The following MARCHF1 variants were observed in gnomAD, a reference collection of about 807,000 sequenced individuals.
MARCHF1 encodes E3 ubiquitin-protein ligase MARCHF1.
In MARCHF1, 40 loss-of-function variants were observed where a neutral mutation model predicts 54.2. The observed-to-expected ratio is 0.74, with a 90% confidence interval of 0.57 to 0.96. The LOEUF (loss-of-function observed/expected upper bound fraction) is 0.96, where lower values mean the gene tolerates loss of function less well. Ranked by LOEUF, MARCHF1 falls within the 40% of genes least tolerant of loss-of-function variation. The pLI is 0.00. For synonymous variants in MARCHF1, 236 were observed against 236.3 expected (o/e 1.00, Z 0.01); for missense variants, 586 against 656.5 (o/e 0.89, Z 1.17).
chr4:163,939,117 C>A (rs1751858539), intron 3 of MARCHF1, among the ~76,000 whole-genome samples: 1 of 152,136 alleles, frequency 6.6e-6, no homozygotes, highest in Admixed American at 6.6e-5. Flanking sequence ...ATTTGAAATG[C>A]CCTGAGCAGT....
intron 2 of MARCHF1, among the ~76,000 whole-genome samples, chr4:164,090,666 T>C (rs1221254786): frequency 2.0e-5 from 3 of 152,240 alleles, no homozygotes; most frequent in African/African-American, 7.2e-5. Flanking sequence ...AAAATTTAAG[T>C]AATCTCAAGA....
chr4:164,023,635 A>T (rs993560019), intron 2 of MARCHF1, among the ~76,000 whole-genome samples: 3 of 152,180 alleles, frequency 2.0e-5, no homozygotes, highest in Non-Finnish European at 4.4e-5. Context: ...GCCCTCTCAA[A>T]TGAGAAAGAA....
chr4:164,341,012 A>C (rs957841819), intron 1 of MARCHF1, among the ~76,000 whole-genome samples: 13 of 152,146 alleles, frequency 8.5e-5, no homozygotes, highest in African/African-American at 2.9e-4. Context: ...GCAACAGCAC[A>C]ATGTAAGCAT....
intron 8 of MARCHF1, among the ~76,000 whole-genome samples, chr4:163,567,494 T>C (rs1202149302): frequency 1.3e-5 from 2 of 152,188 alleles, no homozygotes; most frequent in African/African-American, 4.8e-5. Flanking sequence ...CATCTTGAAT[T>C]GTAGCTCCCA....
chr4:163,920,326 T>TTCTG, intron 3 of MARCHF1, among the ~76,000 whole-genome samples: 1 of 152,330 alleles, frequency 6.6e-6, no homozygotes, highest in South Asian at 2.1e-4. Flanking sequence ...TTCACCTTCT[T>TTCTG]GCAAGAATTA....
At chr4:164,316,080 A>G (rs1239979175) in intron 1 of MARCHF1, among the ~76,000 whole-genome samples, 4 of 152,152 alleles carry the variant, frequency 2.6e-5, no homozygotes, top group African/African-American at 7.2e-5. Context: ...TGACAAAATG[A>G]GCTAATATAT....
chr4:163,629,655 T>C (rs1290352294), intron 5 of MARCHF1, among the ~76,000 whole-genome samples: 1 of 151,898 alleles, frequency 6.6e-6, no homozygotes, highest in East Asian at 1.9e-4. Context: ...TTGCAATCTA[T>C]CCATCTGACA....
At chr4:163,617,853 A>G (rs1741564635) in intron 5 of MARCHF1, among the ~76,000 whole-genome samples, 1 of 152,180 alleles carries the variant, frequency 6.6e-6, no homozygotes, top group African/African-American at 2.4e-5. Context: ...ATCATAATGG[A>G]TACCTATGGC....
At chr4:164,268,359 T>C (rs1733662438) in intron 1 of MARCHF1, among the ~76,000 whole-genome samples, 1 of 152,064 alleles carries the variant, frequency 6.6e-6, no homozygotes, top group Non-Finnish European at 1.5e-5. Context: ...AAGAAACTCA[T>C]GAGAGCTGGA....
chr4:164,098,957 C>G (rs140972650), intron 2 of MARCHF1, among the ~76,000 whole-genome samples: 3 of 152,244 alleles, frequency 2.0e-5, no homozygotes, highest in African/African-American at 7.2e-5. Context: ...ATTTTTGTTA[C>G]CATTGCAAAG....
At chr4:163,904,211 T>G (rs1488990121) in intron 3 of MARCHF1, among the ~76,000 whole-genome samples, 1 of 152,170 alleles carries the variant, frequency 6.6e-6, no homozygotes. Flanking sequence ...AAATTAAGCC[T>G]TGAAGTCTCA....
chr4:164,188,568 C>G, intron 1 of MARCHF1: 1 of 781,204 alleles, frequency 1.3e-6, no homozygotes, highest in East Asian at 2.4e-5. Flanking sequence ...ATCACGCGGT[C>G]CTATGTGCCC....
chr4:164,054,009 T>C (rs1397614868), intron 2 of MARCHF1, among the ~76,000 whole-genome samples: 1 of 151,896 alleles, frequency 6.6e-6, no homozygotes, highest in East Asian at 1.9e-4. Context: ...GGGAGAAAAT[T>C]TTCGCAACCT....
intron 1 of MARCHF1, among the ~76,000 whole-genome samples, chr4:164,236,637 A>G (rs1732571963): frequency 6.6e-6 from 1 of 152,132 alleles, no homozygotes; most frequent in African/African-American, 2.4e-5. Flanking sequence ...TGAACATCTC[A>G]AAGTTTTTGC....
chr4:163,802,591 T>A lies in MARCHF1; in HGVS notation c.111+51430A>T, dbSNP rs141201760. Reference sequence around the variant, plus strand: ...GAGGCTTTTTAAGAGGTTTTCTGTATCCGAGAGAAAATATATGAAATTGGA... The same window carrying A: ...GAGGCTTTTTAAGAGGTTTTCTGTAACCGAGAGAAAATATATGAAATTGGA... On this transcript the variant is annotated intron_variant, in intron 4 of 9. Transcript: ENST00000514618. Among the ~76,000 whole-genome samples the A allele has an allele frequency of 6.7e-3, 1,017 of 152,298 alleles. 11 individuals are homozygous for A. The highest frequency in any genetic ancestry group is 0.023 in the African/African-American group (965 of 41,560).
intron 9 of MARCHF1, among the ~76,000 whole-genome samples, chr4:163,532,925 A>AGC (rs1738402112): frequency 2.0e-5 from 3 of 151,994 alleles, no homozygotes; most frequent in African/African-American, 7.2e-5. Flanking sequence ...TAGGTATGCA[A>AGC]AATGGTACAG....
intron 1 of MARCHF1, among the ~76,000 whole-genome samples, chr4:164,276,947 T>TATATATATAGAGAGAGAG (rs1392528920): frequency 8.4e-6 from 1 of 118,802 alleles, no homozygotes; most frequent in East Asian, 2.5e-4. Context: ...TATATATATA[T>TATATATATAGAGAGAGAG]AGAGAGAGAG....
intron 4 of MARCHF1, among the ~76,000 whole-genome samples, chr4:163,750,226 A>G (rs561016714): frequency 7.9e-5 from 12 of 152,152 alleles, no homozygotes; most frequent in African/African-American, 2.9e-4. Context: ...AACATATTTG[A>G]CAGGGCCAGG....
chr4:164,192,335 G>T (rs114839668), intron 1 of MARCHF1, among the ~76,000 whole-genome samples: 3 of 148,114 alleles, frequency 2.0e-5, no homozygotes, highest in African/African-American at 7.7e-5. Context: ...ACTTATATAA[G>T]TTTAGGAGAA....
Sources: allele counts gnomAD v4.1 joint callset (sites outside exome capture counted in the v4.1 genomes callset), GRCh38; gene constraint gnomAD v4.1.1; transcripts MANE v1.5; gene names NCBI Gene and HGNC (gene_info 2026-07-23, HGNC 2026-07-21).